SGSM1: variants seen among roughly 807,000 people sequenced by gnomAD.
SGSM1 encodes the protein RUN and TBC1 domain containing 2.
Under a neutral mutation model 133.8 loss-of-function variants are expected in SGSM1, and 73 were observed. The observed-to-expected ratio is 0.55, with a 90% confidence interval of 0.45 to 0.66. SGSM1 has a LOEUF of 0.66. Ranked by LOEUF, SGSM1 falls within the 30% of genes least tolerant of loss-of-function variation. The probability of loss-of-function intolerance (pLI) is 0.00; values close to 1 mark genes in which losing one functional copy is unlikely to be tolerated. For missense variants in SGSM1, 1,213 were observed against 1,448.1 expected (o/e 0.84, Z 2.64); for synonymous variants, 563 against 573.0 (o/e 0.98, Z 0.25).
At chr22:24,822,574 G>A (rs1303986987) in intron 2 of SGSM1, among the ~76,000 whole-genome samples, 3 of 152,180 alleles carry the variant, frequency 2.0e-5, no homozygotes, top group Non-Finnish European at 4.4e-5. Context: ...TTCCTCTTGG[G>A]GAGCTGATGT....
chr22:24,806,509 G>A (rs1305797429), intron 2 of SGSM1, 25 bp downstream of exon 2: 2 of 1,495,890 alleles, frequency 1.3e-6, no homozygotes, highest in Admixed American at 4.9e-5. Context: ...GGGGGCACTG[G>A]GCAGGACTCC....
intron 18 of SGSM1, among the ~76,000 whole-genome samples, chr22:24,896,392 A>G (rs1464119722): frequency 1.3e-5 from 2 of 152,338 alleles, no homozygotes; most frequent in East Asian, 3.9e-4. Flanking sequence ...CCATAAATCA[A>G]GTTGGTGACA....
chr22:24,838,929 C>CAAAAA lies in SGSM1; in HGVS notation c.64-5962_64-5958dup, dbSNP rs139655. Among the ~76,000 whole-genome samples, 504 of 147,072 alleles carry CAAAAA rather than the reference C, an allele frequency of 3.4e-3. 12 individuals are homozygous for CAAAAA. The highest frequency in any genetic ancestry group is 0.027 in the Admixed American group (405 of 14,816). ...TTTAGGATAGATATTTATGTTTCTG[C>CAAAAA]AAAAAAAAAAGCACCATTGGGATTT... On this transcript the variant is annotated intron_variant, in intron 2 of 24. Coordinates refer to ENST00000400358, the MANE Select transcript of SGSM1 (RefSeq NM_001098497.3).
chr22:24,851,441 G>A (rs1350160136), intron 5 of SGSM1, among the ~76,000 whole-genome samples: 2 of 137,322 alleles, frequency 1.5e-5, no homozygotes, highest in African/African-American at 3.2e-5. Flanking sequence ...AGGGAGGGGG[G>A]GGTGGGGGGA....
At chr22:24,807,903 GTGTGTGTGTCTC>G (rs1163260976) in intron 2 of SGSM1, among the ~76,000 whole-genome samples, 27 of 151,828 alleles carry the variant, frequency 1.8e-4, no homozygotes, top group African/African-American at 6.5e-4. Flanking sequence ...GTGTGTGTGT[GTGTGTGTGTCTC>G]TGTGTGTGGC....
At chr22:24,810,573 A>G (rs531755675) in intron 2 of SGSM1, among the ~76,000 whole-genome samples, 88 of 152,322 alleles carry the variant, frequency 5.8e-4, no homozygotes, top group South Asian at 1.5e-3. Flanking sequence ...ATGCCAGTTG[A>G]TAATGGAAGC....
intron 12 of SGSM1, among the ~76,000 whole-genome samples, chr22:24,872,684 C>T (rs906207415): frequency 2.0e-5 from 3 of 152,034 alleles, no homozygotes; most frequent in Admixed American, 6.5e-5. Context: ...TTTGCGGGGC[C>T]GAGGCAGGCA....
At chr22:24,903,997 A>G (rs1234260158) in intron 20 of SGSM1, among the ~76,000 whole-genome samples, 2 of 81,820 alleles carry the variant, frequency 2.4e-5, no homozygotes, top group Admixed American at 1.2e-4. Flanking sequence ...AAAAAAAAAA[A>G]GGAAAAAGAA....
At chr22:24,837,875 A>G (rs146183980) in intron 2 of SGSM1, among the ~76,000 whole-genome samples, 2,555 of 152,352 alleles carry the variant, frequency 0.017, 69 homozygotes, top group African/African-American at 0.057. Context: ...TAACTGCTAC[A>G]AACTAATGAT....
chr22:24,848,653 G>A (rs1053555832), intron 4 of SGSM1, among the ~76,000 whole-genome samples: 1 of 152,202 alleles, frequency 6.6e-6, no homozygotes, highest in Non-Finnish European at 1.5e-5. Context: ...CAACAAATTC[G>A]GTGCTGGTGG....
chr22:24,881,926 C>T lies in SGSM1; in HGVS notation c.1496-2127C>T, dbSNP rs188168047. Among the ~76,000 whole-genome samples, 26 of 152,156 alleles carry T rather than the reference C, an allele frequency of 1.7e-4. No homozygotes were observed. In the East Asian group the frequency reaches 3.7e-3, roughly 22 times the overall value. On this transcript the variant is annotated intron_variant, in intron 14 of 24. Coordinates refer to ENST00000400358, the MANE Select transcript of SGSM1 (RefSeq NM_001098497.3). ...AGTGTGGGCCAGATAAGGGGTGGCA[C>T]GTTGGTGGATATGCTTTAAGAAGGC... is the stretch of plus-strand genomic sequence containing the variant.
chr22:24,888,295 A>G (rs1932723967), intron 16 of SGSM1, among the ~76,000 whole-genome samples: 1 of 152,188 alleles, frequency 6.6e-6, no homozygotes. Flanking sequence ...ATCTTCTCCT[A>G]CGATTTATCC....
intron 5 of SGSM1, among the ~76,000 whole-genome samples, chr22:24,853,769 A>ATTTTTTTTTTTTTTTTT (rs57736929): frequency 8.1e-6 from 1 of 123,436 alleles, no homozygotes; most frequent in African/African-American, 3.3e-5. Context: ...CGCCTGGTGA[A>ATTTTTTTTTTTTTTTTT]TTTTTTTTTT....
In SGSM1 at chr22:24,806,347, A is replaced by G; in HGVS notation, c.19+3A>G. On this transcript the variant is annotated splice_donor_region_variant and intron_variant, in intron 1 of 24. Transcript: ENST00000400358. ...AGCCATGGCCTCGGCCCCCGCGGGT[A>G]AGAGGCCGCTGGACACGAGGGCGGC... The G allele has an allele frequency of 6.7e-7, 1 of 1,482,554 alleles. No homozygotes were observed. The highest frequency in any genetic ancestry group is 8.9e-7 in the Non-Finnish European group (1 of 1,118,580). 91.8% of individuals were successfully genotyped at this position (1,482,554 alleles called of 1,614,324 possible). A position where few individuals can be genotyped will look rare whatever the true frequency, so the allele number is the denominator to read the frequency against.
chr22:24,872,905 C>T (rs1460214809), intron 12 of SGSM1, among the ~76,000 whole-genome samples: 1 of 149,462 alleles, frequency 6.7e-6, no homozygotes, highest in South Asian at 2.1e-4. Flanking sequence ...GGCAACAGAG[C>T]GAGACTCCAT....
intron 13 of SGSM1, among the ~76,000 whole-genome samples, chr22:24,878,574 A>G (rs1932151250): frequency 6.6e-6 from 1 of 152,150 alleles, no homozygotes; most frequent in African/African-American, 2.4e-5. Flanking sequence ...GTCTCCTGGG[A>G]TGTCCTGAGA....
At position 24,839,932 on chromosome 22, in the gene SGSM1, C is replaced by CTTT. The variant is rs758631851; in HGVS notation, c.64-4947_64-4945dup. ...TCGATCTTTTGGACAAACCATCTCT[C>CTTT]TTTTTTTTTTTTTTTTTTTTGAGAT... On this transcript the variant is annotated intron_variant, in intron 2 of 24. Transcript: ENST00000400358. Among the ~76,000 whole-genome samples the CTTT allele has an allele frequency of 6.6e-3, 701 of 106,358 alleles. 3 individuals are homozygous for CTTT. Among genetic ancestry groups the CTTT allele is most frequent in the Non-Finnish European group, 7.5e-3 (421 of 55,858 alleles). 69.8% of individuals were successfully genotyped at this position (106,358 alleles called of 152,430 possible). A position where few individuals can be genotyped will look rare whatever the true frequency, so the allele number is the denominator to read the frequency against.
In SGSM1 at chr22:24,847,714, T is replaced by A. The variant is rs1182767238; in HGVS notation, c.220T>A (p.Phe74Ile). ...FLRSNKIAAL[F>I]MKVGKNFPPA... The stretch of plus-strand genomic sequence containing the variant: ...ACGCAGCAATAAGATTGCAGCCCTC[T>A]TTATGAAAGTGGGCAAGAACTTCCC... The change falls in exon 4 of 25, where the codon TTT becomes ATT. Residue 74 changes from phenylalanine (F) to isoleucine (I), a missense_variant. Physicochemically the swap from Phe to Ile is conservative, Grantham distance 21 (BLOSUM62 0). Transcript: ENST00000400358. The A allele has an allele frequency of 6.2e-7, 1 of 1,613,944 alleles. No individual in the cohort carries two copies.
chr22:24,894,910 G>T (rs1360172309), intron 17 of SGSM1, among the ~76,000 whole-genome samples: 2 of 152,156 alleles, frequency 1.3e-5, no homozygotes, highest in Non-Finnish European at 2.9e-5. Context: ...AATAGAACCA[G>T]TTACTCTGTG....
Sources: gnomAD v4.1 joint callset for allele counts (sites outside exome capture counted in the v4.1 genomes callset) on GRCh38, gnomAD v4.1.1 for gene constraint, MANE v1.5 for transcripts, NCBI Gene and HGNC (gene_info 2026-07-23, HGNC 2026-07-21) for gene names.